The following PTGER1 variants were observed in gnomAD, a reference collection of about 807,000 sequenced individuals.
The protein encoded by PTGER1 is prostaglandin E2 receptor EP1 subtype.
PTGER1 carries 15 observed loss-of-function variants against 18.5 expected under a neutral mutation model. That is an observed-to-expected ratio of 0.81 (90% CI 0.54 to 1.25). PTGER1 has a LOEUF of 1.25. PTGER1 is among the 50% of genes most tolerant of loss of function. The pLI, the probability that PTGER1 is intolerant of heterozygous loss-of-function variation, is 0.00. For missense variants in PTGER1, 567 were observed against 603.4 expected (o/e 0.94, Z 0.63); for synonymous variants, 339 against 308.4 (o/e 1.10, Z -1.04).
Position 14,474,013 on chromosome 19 carries a change from C to T in PTGER1, c.308G>A (p.Arg103His). The T allele has an allele frequency of 6.7e-7, 1 of 1,501,292 alleles. No individual in the cohort carries two copies. Among genetic ancestry groups the T allele is most frequent in the Non-Finnish European group, 8.9e-7 (1 of 1,129,882 alleles). 93.0% of individuals were successfully genotyped at this position (1,501,292 alleles called of 1,614,324 possible). A position where few individuals can be genotyped will look rare whatever the true frequency, so the allele number is the denominator to read the frequency against. ...GTGGCAGGCCCCGCCGGCCGGAGCG[C>T]GCCCCGCAGTGTACAGACGCAGCAC... is the stretch of plus-strand genomic sequence containing the variant. ...ALVLRLYTAG[R>H]APAGGACHFL... The change falls in exon 2 of 3, where the codon CGC becomes CAC. Residue 103 changes from arginine (R) to histidine (H), a missense_variant. Coordinates refer to ENST00000292513, the MANE Select transcript of PTGER1 (RefSeq NM_000955.3). This position sits in a 1 kb window ranked among gnomAD's most constrained non-coding sequence, Gnocchi z 5.4.
In PTGER1 at chr19:14,473,263, G is replaced by A. The variant is rs2071582662; in HGVS notation, c.942+116C>T. 9.5e-6 allele frequency: 14 copies of A among 1,471,928 alleles called. No homozygotes were observed. The highest frequency in any genetic ancestry group is 1.2e-5 in the Non-Finnish European group (13 of 1,116,294). The allele number at this position is 1,471,928 out of a possible 1,614,324, so 91.2% of individuals were successfully genotyped here. A position where few individuals can be genotyped will look rare whatever the true frequency, so the allele number is the denominator to read the frequency against. On this transcript the variant is annotated intron_variant, in intron 2 of 2. Coordinates refer to ENST00000292513, the MANE Select transcript of PTGER1 (RefSeq NM_000955.3). This position sits in a 1 kb window ranked among gnomAD's most constrained non-coding sequence, Gnocchi z 7.1. ...GGGGCAGGTGGGGCCTCTAGGGGCCGGGGCCTTGGTTGAGTCCAGGATGGA... is the reference window on the plus strand; with the variant it reads ...GGGGCAGGTGGGGCCTCTAGGGGCCAGGGCCTTGGTTGAGTCCAGGATGGA...
chr19:14,474,311 A>G lies in PTGER1; in HGVS notation c.10T>C (p.Cys4Arg), dbSNP rs1239776776. Residue 4 changes from cysteine to arginine, a missense_variant, in exon 2 of 3, where the codon TGC becomes CGC. Coordinates refer to ENST00000292513, the MANE Select transcript of PTGER1 (RefSeq NM_000955.3). The surrounding 1 kb of genome is among the most constrained non-coding windows in gnomAD (Gnocchi z 5.4). The stretch of plus-strand genomic sequence containing the variant: ...GCCAGGCTCAGGTTGAGGGGCCCGC[A>G]AGGGCTCATGTCAGGCGCCAGGGGT... MSP[C>R]GPLNLSLAGE... is the part of the protein sequence containing the mutation. The G allele has an allele frequency of 6.5e-7, 1 of 1,527,214 alleles. No homozygotes were observed. The highest frequency in any genetic ancestry group is 8.7e-7 in the Non-Finnish European group (1 of 1,143,542). The allele number at this position is 1,527,214 out of a possible 1,614,324, so 94.6% of individuals were successfully genotyped here.
At position 14,474,807 on chromosome 19, in the gene PTGER1, C is replaced by T. The variant is rs1320022510; in HGVS notation, c.-18+455G>A. Among the ~76,000 whole-genome samples the T allele has an allele frequency of 6.6e-6, 1 of 152,194 alleles. No individual in the cohort carries two copies. ...CATCCTCGATGCCCCAGCCCCATCT[C>T]TACCACCACGGGCACATCTCTCCCC... On this transcript the variant is annotated intron_variant, in intron 1 of 2. Transcript: ENST00000292513. The surrounding 1 kb of genome is among the most constrained non-coding windows in gnomAD (Gnocchi z 5.4).
chr19:14,473,769 CG>C lies in PTGER1; in HGVS notation c.551del (p.Pro184ArgfsTer198). On this transcript the variant is annotated frameshift_variant, in exon 2 of 3. Coordinates refer to ENST00000292513, the MANE Select transcript of PTGER1 (RefSeq NM_000955.3). LOFTEE classifies it high-confidence loss of function. The surrounding 1 kb of genome is among the most constrained non-coding windows in gnomAD (Gnocchi z 7.1). ...ARVGRYELQYPGTWCFIGLGP... is the reference protein window; with the variant it reads ...ARVGRYELQYXGTWCFIGLGP... ...CCAGGCCGATGAAGCACCACGTGCCCGGGTACTGCAGCTCATAGCGGCCCAC... is the reference window on the plus strand; with the variant it reads ...CCAGGCCGATGAAGCACCACGTGCCCGGTACTGCAGCTCATAGCGGCCCAC... 1 of 1,456,978 alleles carries C rather than the reference CG, an allele frequency of 6.9e-7. No individual in the cohort carries two copies. The highest frequency in any genetic ancestry group is 1.3e-5 in the South Asian group (1 of 76,342). 90.3% of individuals were successfully genotyped at this position (1,456,978 alleles called of 1,614,324 possible).
At position 14,473,662 on chromosome 19, in the gene PTGER1, A is replaced by G. The variant is rs1156345389; in HGVS notation, c.659T>C (p.Val220Ala). ...LGLVALLAAL[V>A]CNTLSGLALL... Reference sequence around the variant, plus strand: ...GGCCAGGCCGCTGAGCGTGTTGCACACCAGCGCGGCGAGGAGCGCGACCAG... The same window carrying G: ...GGCCAGGCCGCTGAGCGTGTTGCACGCCAGCGCGGCGAGGAGCGCGACCAG... Residue 220 changes from valine (V) to alanine (A), a missense_variant, in exon 2 of 3, where the codon GTG (valine) becomes GCG (alanine). Physicochemically the swap from Val to Ala is moderately conservative, Grantham distance 64. Coordinates refer to ENST00000292513, the MANE Select transcript of PTGER1 (RefSeq NM_000955.3). This position sits in a 1 kb window ranked among gnomAD's most constrained non-coding sequence, Gnocchi z 7.1. 4 of 1,475,890 alleles carry G rather than the reference A, an allele frequency of 2.7e-6. No individual in the cohort carries two copies. The highest frequency in any genetic ancestry group is 2.9e-5 in the African/African-American group (2 of 68,014). The allele number at this position is 1,475,890 out of a possible 1,614,324, so 91.4% of individuals were successfully genotyped here. A position where few individuals can be genotyped will look rare whatever the true frequency, so the allele number is the denominator to read the frequency against.
rs768517081 is a variant in PTGER1 at position 14,472,634 on chromosome 19, G to A, written c.1135C>T (p.Leu379=). 1.4e-5 allele frequency: 23 copies of A among 1,605,872 alleles called. No individual in the cohort carries two copies. The highest frequency in any genetic ancestry group is 1.6e-5 in the Non-Finnish European group (19 of 1,177,412). The change falls in exon 3 of 3, where the codon CTG becomes TTG. Residue 379 remains leucine (L), a synonymous_variant. Coordinates refer to ENST00000292513, the MANE Select transcript of PTGER1 (RefSeq NM_000955.3). The part of the protein sequence containing the change: ...RAGAKGGPAG[L]GLTPSAWEAS... The stretch of plus-strand genomic sequence containing the variant: ...TCCCAGGCGCTCGGTGTTAGGCCCA[G>A]CCCCGCGGGGCCGCCCTTGGCTCCG...
At position 14,474,096 on chromosome 19, in the gene PTGER1, C is replaced by A; in HGVS notation, c.225G>T (p.Leu75=). 1 of 1,482,908 alleles carries A rather than the reference C, an allele frequency of 6.7e-7. No individual in the cohort carries two copies. Among genetic ancestry groups the A allele is most frequent in the Non-Finnish European group, 8.9e-7 (1 of 1,122,436 alleles). 91.9% of individuals were successfully genotyped at this position (1,482,908 alleles called of 1,614,324 possible). A position where few individuals can be genotyped will look rare whatever the true frequency, so the allele number is the denominator to read the frequency against. The change falls in exon 2 of 3, where the codon CTG becomes CTT. Residue 75 remains leucine, a synonymous_variant. Coordinates refer to ENST00000292513, the MANE Select transcript of PTGER1 (RefSeq NM_000955.3). This position sits in a 1 kb window ranked among gnomAD's most constrained non-coding sequence, Gnocchi z 5.4. ...RRRRSAATFL[L]FVASLLATDL... The stretch of plus-strand genomic sequence containing the variant: ...CGGTGGCCAGCAGGCTGGCCACGAA[C>A]AGCAGGAAGGTGGCGGCCGAGCGGC...
In PTGER1 at chr19:14,472,613, AG is replaced by A; in HGVS notation, c.1155del (p.Trp386GlyfsTer26). 1.2e-6 allele frequency: 2 copies of A among 1,601,606 alleles called. No homozygotes were observed. The highest frequency in any genetic ancestry group is 1.7e-6 in the Non-Finnish European group (2 of 1,175,568). ...GPAGLGLTPS[A>X]WEASSLRSSR... is the part of the protein sequence containing the mutation. ...GAGCTGCGCAGCGAGCTGGCCTCCCAGGCGCTCGGTGTTAGGCCCAGCCCCG... is the reference window on the plus strand; with the variant it reads ...GAGCTGCGCAGCGAGCTGGCCTCCCAGCGCTCGGTGTTAGGCCCAGCCCCG... On this transcript the variant is annotated frameshift_variant, in exon 3 of 3. Transcript: ENST00000292513. LOFTEE classifies it high-confidence loss of function.
At chr19:14,472,866 G>A (rs1328843702) in intron 2 of PTGER1, 40 bp from the exon 3 acceptor site, 2 of 1,506,728 alleles carry the variant, frequency 1.3e-6, no homozygotes, top group Non-Finnish European at 1.8e-6. Context: ...GCAGGCGCGG[G>A]CGCAGGGGGG....
chr19:14,473,357 G>C lies in PTGER1; in HGVS notation c.942+22C>G, dbSNP rs777502804. On this transcript the variant is annotated intron_variant, in intron 2 of 2. Transcript: ENST00000292513. This position sits in a 1 kb window ranked among gnomAD's most constrained non-coding sequence, Gnocchi z 7.1. ...GAGGGAGCGGGAAGGAGCGTGGCTC[G>C]AGGGGCCGGTGCGCCCCTCACCAGC... The C allele has an allele frequency of 5.8e-6, 9 of 1,557,766 alleles. No individual in the cohort carries two copies. The highest frequency in any genetic ancestry group is 3.3e-4 in the Middle Eastern group (2 of 6,026).
In PTGER1 at chr19:14,472,605, G is replaced by T. The variant is rs755330272; in HGVS notation, c.1164C>A (p.Ala388=). Residue 388 remains alanine (A), a synonymous_variant, in exon 3 of 3, where the codon GCC becomes GCA. Coordinates refer to ENST00000292513, the MANE Select transcript of PTGER1 (RefSeq NM_000955.3). ...GLGLTPSAWE[A]SSLRSSRHSG... is the part of the protein sequence containing the mutation. ...TGTGCCGGGAGCTGCGCAGCGAGCT[G>T]GCCTCCCAGGCGCTCGGTGTTAGGC... 1.2e-6 allele frequency: 2 copies of T among 1,600,354 alleles called. No individual in the cohort carries two copies. Among genetic ancestry groups the T allele is most frequent in the South Asian group, 1.1e-5 (1 of 90,360 alleles).
rs199506794 is a variant in PTGER1, at chr19:14,472,541, G to T, written c.*19C>A. ...CAGCCCAGGGTGGGCTGGCTTAGTC[G>T]TTGGGCCTCTGGTTGTGCTTAGAAG... is the stretch of plus-strand genomic sequence containing the variant. On this transcript the variant is annotated 3_prime_UTR_variant, in exon 3 of 3. Coordinates refer to ENST00000292513, the MANE Select transcript of PTGER1 (RefSeq NM_000955.3). 2 of 1,537,168 alleles carry T rather than the reference G, an allele frequency of 1.3e-6. No homozygotes were observed. The highest frequency in any genetic ancestry group is 2.0e-5 in the Admixed American group (1 of 49,662).
At position 14,474,304 on chromosome 19, in the gene PTGER1, G is replaced by T; in HGVS notation, c.17C>A (p.Pro6His). 6 of 1,528,468 alleles carry T rather than the reference G, an allele frequency of 3.9e-6. No homozygotes were observed. The highest frequency in any genetic ancestry group is 5.2e-6 in the Non-Finnish European group (6 of 1,143,998). The allele number at this position is 1,528,468 out of a possible 1,614,324, so 94.7% of individuals were successfully genotyped here. A position where few individuals can be genotyped will look rare whatever the true frequency, so the allele number is the denominator to read the frequency against. The change falls in exon 2 of 3, where the codon CCC (proline) becomes CAC (histidine). Residue 6 changes from proline (P) to histidine (H), a missense_variant. Physicochemically the swap from Pro to His is moderately conservative, Grantham distance 77 (BLOSUM62 -2). Coordinates refer to ENST00000292513, the MANE Select transcript of PTGER1 (RefSeq NM_000955.3). This position sits in a 1 kb window ranked among gnomAD's most constrained non-coding sequence, Gnocchi z 5.4. Reference protein sequence around the residue: MSPCGPLNLSLAGEAT... With the variant: MSPCGHLNLSLAGEAT... Reference sequence around the variant, plus strand: ...CTCGCCCGCCAGGCTCAGGTTGAGGGGCCCGCAAGGGCTCATGTCAGGCGC... The same window carrying T: ...CTCGCCCGCCAGGCTCAGGTTGAGGTGCCCGCAAGGGCTCATGTCAGGCGC...
At position 14,475,296 on chromosome 19, in the gene PTGER1, G is replaced by C. The variant is rs201643356; in HGVS notation, c.-52C>G. The C allele has an allele frequency of 1.3e-5, 2 of 152,374 alleles. No individual in the cohort carries two copies. Among genetic ancestry groups the C allele is most frequent in the South Asian group, 2.1e-4 (1 of 4,838 alleles). The allele number at this position is 152,374 out of a possible 1,614,324, so 9.4% of individuals were successfully genotyped here. On this transcript the variant is annotated 5_prime_UTR_variant, in exon 1 of 3. Coordinates refer to ENST00000292513, the MANE Select transcript of PTGER1 (RefSeq NM_000955.3). The stretch of plus-strand genomic sequence containing the variant: ...CCTGGGATGTGGGGTCCCCATCACC[G>C]GCCGCTCAGCCCTGCCGCCCACTGC...
Position 14,473,628 on chromosome 19 carries a change from G to T in PTGER1, c.693C>A (p.Arg231=), listed in dbSNP as rs1283189549. The change falls in exon 2 of 3, where the codon CGC becomes CGA. Residue 231 remains arginine (R), a synonymous_variant. Coordinates refer to ENST00000292513, the MANE Select transcript of PTGER1 (RefSeq NM_000955.3). This position sits in a 1 kb window ranked among gnomAD's most constrained non-coding sequence, Gnocchi z 7.1. ...CNTLSGLALL[R]ARWRRRSRRP... is the part of the protein sequence containing the mutation. ...GTCGGGAGCGGCGTCGCCAGCGGGCGCGTAGCAGGGCCAGGCCGCTGAGCG... is the reference window on the plus strand; with the variant it reads ...GTCGGGAGCGGCGTCGCCAGCGGGCTCGTAGCAGGGCCAGGCCGCTGAGCG... 3 of 1,469,682 alleles carry T rather than the reference G, an allele frequency of 2.0e-6. No homozygotes were observed. The highest frequency in any genetic ancestry group is 2.7e-6 in the Non-Finnish European group (3 of 1,120,608). The allele number at this position is 1,469,682 out of a possible 1,614,324, so 91.0% of individuals were successfully genotyped here.
rs1322387896 is a variant in PTGER1 at position 14,473,711 on chromosome 19, C to T, written c.610G>A (p.Ala204Thr). ...PPGGWRQALL[A>T]GLFASLGLVA... Reference sequence around the variant, plus strand: ...AGGCCGAGGCTGGCGAAGAGGCCAGCAAGCAGTGCCTGGCGCCAGCCGCCC... The same window carrying T: ...AGGCCGAGGCTGGCGAAGAGGCCAGTAAGCAGTGCCTGGCGCCAGCCGCCC... The change falls in exon 2 of 3, where the codon GCT (alanine) becomes ACT (threonine). Residue 204 changes from alanine to threonine, a missense_variant. Ala to Thr is a moderately conservative substitution (Grantham distance 58). Transcript: ENST00000292513. This position sits in a 1 kb window ranked among gnomAD's most constrained non-coding sequence, Gnocchi z 7.1. The T allele has an allele frequency of 6.8e-7, 1 of 1,471,336 alleles. No individual in the cohort carries two copies. The highest frequency in any genetic ancestry group is 8.9e-7 in the Non-Finnish European group (1 of 1,117,450). 91.1% of individuals were successfully genotyped at this position (1,471,336 alleles called of 1,614,324 possible).
At position 14,474,145 on chromosome 19, in the gene PTGER1, T is replaced by TGCGCCAGCA. The variant is rs934844756; in HGVS notation, c.167_175dup (p.Leu56_Ala58dup). 1.1e-4 allele frequency: 163 copies of TGCGCCAGCA among 1,443,504 alleles called. No homozygotes were observed. The highest frequency in any genetic ancestry group is 2.2e-4 in the Middle Eastern group (1 of 4,604). The allele number at this position is 1,443,504 out of a possible 1,614,324, so 89.4% of individuals were successfully genotyped here. On this transcript the variant is annotated inframe_insertion, in exon 2 of 3. Transcript: ENST00000292513. This position sits in a 1 kb window ranked among gnomAD's most constrained non-coding sequence, Gnocchi z 5.4. ...GCGGCGTCGCAGGCGGCCCGCGGCC[T>TGCGCCAGCA]GCGCCAGCAGCGCCAGCGCCAGCAG...
chr19:14,472,795 C>G lies in PTGER1; in HGVS notation c.974G>C (p.Ser325Thr). 1 of 1,563,580 alleles carries G rather than the reference C, an allele frequency of 6.4e-7. No homozygotes were observed. The highest frequency in any genetic ancestry group is 8.6e-7 in the Non-Finnish European group (1 of 1,156,894). Residue 325 changes from serine to threonine, a missense_variant, in exon 3 of 3, where the codon AGC becomes ACC. Coordinates refer to ENST00000292513, the MANE Select transcript of PTGER1 (RefSeq NM_000955.3). ...VLVALAVGGW[S>T]STSLQRPLFL... is the part of the protein sequence containing the mutation. ...CAGTGGCCGCTGCAGGGAGGTAGAG[C>G]TCCAGCCGCCGACGGCCAGCGCCAC... is the stretch of plus-strand genomic sequence containing the variant.
chr19:14,472,493 G>A lies in PTGER1; in HGVS notation c.*67C>T. 6.8e-7 allele frequency: 1 copy of A among 1,464,324 alleles called. No homozygotes were observed. Among genetic ancestry groups the A allele is most frequent in the South Asian group, 1.4e-5 (1 of 70,892 alleles). 90.7% of individuals were successfully genotyped at this position (1,464,324 alleles called of 1,614,324 possible). A position where few individuals can be genotyped will look rare whatever the true frequency, so the allele number is the denominator to read the frequency against. On this transcript the variant is annotated 3_prime_UTR_variant, in exon 3 of 3. Transcript: ENST00000292513. ...GCAGAATGGCTTTTTATTCCCAAAG[G>A]CTCTGCGCCGCGCACCTGGGCCCAG...
Sources: allele counts gnomAD v4.1 joint callset (sites outside exome capture counted in the v4.1 genomes callset), GRCh38; gene constraint gnomAD v4.1.1; non-coding constraint Gnocchi (gnomAD v3.1); transcripts MANE v1.5; gene names NCBI Gene and HGNC (gene_info 2026-07-23, HGNC 2026-07-21).